Variants in PCBP3 observed in about 807,000 individuals in gnomAD.
PCBP3 encodes the protein poly(rC)-binding protein 3.
Under a neutral mutation model 52.7 loss-of-function variants are expected in PCBP3, and 25 were observed. That is an observed-to-expected ratio of 0.47 (90% CI 0.35 to 0.66). The LOEUF is 0.66. Ranked by LOEUF, PCBP3 falls within the 30% of genes least tolerant of loss-of-function variation. The probability of loss-of-function intolerance (pLI) is 0.01; values close to 1 mark genes in which losing one functional copy is unlikely to be tolerated. For synonymous variants in PCBP3, 162 were observed against 183.0 expected (o/e 0.89, Z 0.93); for missense variants, 391 against 490.3 (o/e 0.80, Z 1.91).
In PCBP3 at chr21:45,941,791, C is replaced by G. The variant is rs186188237; in HGVS notation, c.*85C>G. ...TCGCACTCTGTACAGCCCACCTTCC[C>G]TGCCTCACAGATACCAATAGAGAGG... is the stretch of plus-strand genomic sequence containing the variant. On this transcript the variant is annotated 3_prime_UTR_variant, in exon 18 of 18. Transcript: ENST00000681687. 2 of 1,074,326 alleles carry G rather than the reference C, an allele frequency of 1.9e-6. No individual in the cohort carries two copies. Among genetic ancestry groups the G allele is most frequent in the South Asian group, 1.6e-5 (1 of 63,672 alleles). The allele number at this position is 1,074,326 out of a possible 1,614,324, so 66.5% of individuals were successfully genotyped here. A position where few individuals can be genotyped will look rare whatever the true frequency, so the allele number is the denominator to read the frequency against.
chr21:45,770,027 G>C (rs1365167972), intron 4 of PCBP3, among the ~76,000 whole-genome samples: 1 of 152,220 alleles, frequency 6.6e-6, no homozygotes, highest in African/African-American at 2.4e-5. Flanking sequence ...GGAGATGGTA[G>C]TGCTCACCAC....
chr21:45,779,599 C>T (rs998492528), intron 4 of PCBP3, among the ~76,000 whole-genome samples: 7 of 152,168 alleles, frequency 4.6e-5, no homozygotes, highest in Admixed American at 3.9e-4. Flanking sequence ...AGCTCCTCTC[C>T]ATGAAAAAAA....
intron 13 of PCBP3, among the ~76,000 whole-genome samples, chr21:45,922,960 G>A (rs2074659884): frequency 7.5e-6 from 1 of 133,440 alleles, no homozygotes; most frequent in African/African-American, 3.1e-5. Flanking sequence ...GAGTCGTGGG[G>A]AAATTGTAGA....
chr21:45,897,212 C>T (rs1406908246), intron 6 of PCBP3, among the ~76,000 whole-genome samples: 1 of 152,232 alleles, frequency 6.6e-6, no homozygotes, highest in Non-Finnish European at 1.5e-5. Flanking sequence ...TTCTCCAGCA[C>T]AACCACACAC....
chr21:45,909,252 C>G (rs1168046896), intron 9 of PCBP3, 103 bp from the exon 10 acceptor site: 2 of 1,256,884 alleles, frequency 1.6e-6, no homozygotes, highest in African/African-American at 3.0e-5. Context: ...GACAGGGGCT[C>G]TGTGGGCTTC....
At position 45,738,389 on chromosome 21, in the gene PCBP3, G is replaced by A. The variant is rs572884845; in HGVS notation, c.-162+2960G>A. Reference sequence around the variant, plus strand: ...CCTACCTCAGCCTCCTGAGTAGCTGGGACTACAGACGCCCGCCACCACGCC... The same window carrying A: ...CCTACCTCAGCCTCCTGAGTAGCTGAGACTACAGACGCCCGCCACCACGCC... On this transcript the variant is annotated intron_variant, in intron 3 of 17. Transcript: ENST00000681687. Among the ~76,000 whole-genome samples the A allele has an allele frequency of 3.0e-4, 46 of 151,694 alleles. No homozygotes were observed. The Middle Eastern group carries it at 0.01, about 34-fold the overall frequency.
chr21:45,758,078 G>A (rs1439509645), intron 4 of PCBP3, among the ~76,000 whole-genome samples: 2 of 152,132 alleles, frequency 1.3e-5, no homozygotes, highest in African/African-American at 4.8e-5. Flanking sequence ...TAGTAGAGAC[G>A]GGGTTTCACC....
rs202074753 is a variant in PCBP3, at chr21:45,941,694, G to A, written c.1104G>A (p.Met368Ile). Reference sequence around the variant, plus strand: ...GGCTGACGTCCGAGGTCACCGGGATGGGCACGCTGTAATCCTACCCAGCAC... The same window carrying A: ...GGCTGACGTCCGAGGTCACCGGGATAGGCACGCTGTAATCCTACCCAGCAC... ...NARLTSEVTG[M>I]GTL The change falls in exon 18 of 18, where the codon ATG becomes ATA. Residue 368 changes from methionine to isoleucine, a missense_variant. Physicochemically the swap from Met to Ile is conservative, Grantham distance 10. Transcript: ENST00000681687. 33 of 1,606,292 alleles carry A rather than the reference G, an allele frequency of 2.1e-5. No individual in the cohort carries two copies. In the African/African-American group the frequency reaches 4.0e-4, roughly 20 times the overall value.
chr21:45,662,020 G>C (rs867112579), intron 1 of PCBP3, among the ~76,000 whole-genome samples: 8 of 151,966 alleles, frequency 5.3e-5, no homozygotes, highest in Non-Finnish European at 1.2e-4. Flanking sequence ...GTTTCTTGTA[G>C]ATCCTGGATA....
Position 45,741,592 on chromosome 21 carries a change from G to A in PCBP3, c.-162+6163G>A, listed in dbSNP as rs1365068615. Among the ~76,000 whole-genome samples the A allele has an allele frequency of 6.6e-6, 1 of 152,100 alleles. No homozygotes were observed. Among genetic ancestry groups the A allele is most frequent in the Non-Finnish European group, 1.5e-5 (1 of 67,992 alleles). On this transcript the variant is annotated intron_variant, in intron 3 of 17. Transcript: ENST00000681687. This position sits in a 1 kb window ranked among gnomAD's most constrained non-coding sequence, Gnocchi z 4.5. ...GATTGTGATGTAGGGGGCAAGGGAG[G>A]GGTAGGGCCACTGCTTTTCATAAGC...
intron 1 of PCBP3, among the ~76,000 whole-genome samples, chr21:45,651,010 C>T (rs994450083): frequency 6.6e-6 from 1 of 152,114 alleles, no homozygotes; most frequent in Admixed American, 6.6e-5. Context: ...CTTGAGTGAG[C>T]GTGGGAACAG....
At chr21:45,925,739 A>T (rs1479957781) in intron 13 of PCBP3, among the ~76,000 whole-genome samples, 1 of 152,254 alleles carries the variant, frequency 6.6e-6, no homozygotes, top group African/African-American at 2.4e-5. Flanking sequence ...TACTCATTAC[A>T]TGTTGATAGA....
chr21:45,738,875 T>C (rs9977703), intron 3 of PCBP3, among the ~76,000 whole-genome samples: 16,812 of 40,822 alleles, frequency 0.41, 1,837 homozygotes, highest in Middle Eastern at 0.53. Context: ...GTAGCCCCCC[T>C]ATCTTCATCA....
intron 5 of PCBP3, 25 bp downstream of exon 5, chr21:45,850,120 T>C: frequency 6.5e-7 from 1 of 1,542,444 alleles, no homozygotes; most frequent in Non-Finnish European, 8.8e-7. Context: ...TTTGTTTCCA[T>C]GTTTGTTTGT....
At chr21:45,909,849 C>CCCCCCCCCCACCCA (rs1556308324) in intron 10 of PCBP3, among the ~76,000 whole-genome samples, 1 of 23,738 alleles carries the variant, frequency 4.2e-5, no homozygotes, top group African/African-American at 1.8e-4. Flanking sequence ...CAGATACGGA[C>CCCCCCCCCCACCCA]CTGGCCACCC....
chr21:45,936,435 C>A (rs1438522639), intron 16 of PCBP3, among the ~76,000 whole-genome samples: 1 of 152,230 alleles, frequency 6.6e-6, no homozygotes, highest in East Asian at 1.9e-4. Flanking sequence ...ACACTCCAGG[C>A]AGCATTGTGG....
chr21:45,830,943 C>G lies in PCBP3; in HGVS notation c.-125-19018C>G, dbSNP rs2093431743. Reference sequence around the variant, plus strand: ...GCCCTCTGCCCTCCTCTCCCGGGCTCTTGGCAGCTTCCCGGCCGGCAGCAG... The same window carrying G: ...GCCCTCTGCCCTCCTCTCCCGGGCTGTTGGCAGCTTCCCGGCCGGCAGCAG... On this transcript the variant is annotated intron_variant, in intron 4 of 17. Transcript: ENST00000681687. This position sits in a 1 kb window ranked among gnomAD's most constrained non-coding sequence, Gnocchi z 4.4. 1 of 152,332 alleles carries G rather than the reference C, an allele frequency of 6.6e-6. No homozygotes were observed. Among genetic ancestry groups the G allele is most frequent in the South Asian group, 2.1e-4 (1 of 4,834 alleles). The allele number at this position is 152,332 out of a possible 1,614,324, so 9.4% of individuals were successfully genotyped here.
intron 1 of PCBP3, among the ~76,000 whole-genome samples, chr21:45,657,263 G>A (rs892498058): frequency 5.3e-5 from 8 of 152,034 alleles, no homozygotes; most frequent in Non-Finnish European, 8.8e-5. Context: ...TTACACCTCC[G>A]TTTTATTCTA....
chr21:45,902,550 G>A (rs1270883283), intron 9 of PCBP3, among the ~76,000 whole-genome samples: 1 of 152,182 alleles, frequency 6.6e-6, no homozygotes, highest in African/African-American at 2.4e-5. Flanking sequence ...TTGTCTGATG[G>A]GAGACTGATG....
Sources: gnomAD v4.1 joint callset for allele counts (sites outside exome capture counted in the v4.1 genomes callset) on GRCh38, gnomAD v4.1.1 for gene constraint, Gnocchi (gnomAD v3.1) non-coding constraint, MANE v1.5 for transcripts, NCBI Gene and HGNC (gene_info 2026-07-23, HGNC 2026-07-21) for gene names.